Variants in FMO4 observed in about 807,000 individuals in gnomAD.
FMO4 encodes the protein flavin containing dimethylaniline monoxygenase 4.
A neutral mutation model predicts 43.3 loss-of-function variants in FMO4; 38 were observed. The observed-to-expected ratio is 0.88, with a 90% CI of 0.68 to 1.15. The LOEUF (loss-of-function observed/expected upper bound fraction) is 1.15, where lower values mean the gene tolerates loss of function less well. FMO4 is among the 50% of genes most tolerant of loss of function. The pLI is 0.00. For missense variants in FMO4, 631 were observed against 663.3 expected, an observed-to-expected ratio of 0.95 and a Z score of 0.54; for synonymous variants, 224 against 232.2, an observed-to-expected ratio of 0.96 and a Z score of 0.32.
intron 3 of FMO4, among the ~76,000 whole-genome samples, chr1:171,320,812 C>T (rs1278556740): frequency 3.3e-5 from 5 of 151,028 alleles, no homozygotes; most frequent in Non-Finnish European, 1.5e-5. Context: ...CCTATCTCTA[C>T]AAAAAATAAA....
chr1:171,338,188 G>A (rs1201887592), intron 9 of FMO4, among the ~76,000 whole-genome samples: 2 of 151,902 alleles, frequency 1.3e-5, no homozygotes, highest in East Asian at 3.9e-4. Flanking sequence ...AATATTGTCA[G>A]CTCCTACCTA....
intron 9 of FMO4, 108 bp downstream of exon 9, chr1:171,337,533 A>T (rs1663171733): frequency 1.3e-5 from 10 of 747,546 alleles, no homozygotes; most frequent in Non-Finnish European, 2.3e-5. Flanking sequence ...CAGGTTGGAA[A>T]TAACTCTGCA....
chr1:171,334,403 T>G lies in FMO4; in HGVS notation c.828-8T>G, dbSNP rs757041256. The stretch of plus-strand genomic sequence containing the variant: ...CTACAGTGAATAATTTTCTCCTGTG[T>G]GTCAAAGGAAAAAAGCAAAATTCAT... On this transcript the variant is annotated splice_polypyrimidine_tract_variant and splice_region_variant and intron_variant, in intron 7 of 9. Coordinates refer to ENST00000367749, the MANE Select transcript of FMO4 (RefSeq NM_002022.3). The G allele has an allele frequency of 4.0e-6, 6 of 1,516,754 alleles. No homozygotes were observed. The Admixed American group carries it at 1.2e-4, about 32-fold the overall frequency. 94.0% of individuals were successfully genotyped at this position (1,516,754 alleles called of 1,614,324 possible).
intron 3 of FMO4, among the ~76,000 whole-genome samples, chr1:171,321,149 C>G (rs1382189172): frequency 1.3e-5 from 2 of 152,068 alleles, no homozygotes; most frequent in Non-Finnish European, 2.9e-5. Context: ...TATTTGACCC[C>G]ACAGTTGGTT....
chr1:171,339,101 A>G (rs1045938536), intron 9 of FMO4, among the ~76,000 whole-genome samples: 2 of 152,212 alleles, frequency 1.3e-5, no homozygotes, highest in African/African-American at 2.4e-5. Flanking sequence ...AATATATAAT[A>G]TGCTCATATC....
In FMO4 at chr1:171,334,648, C is replaced by A; in HGVS notation, c.1065C>A (p.Val355=). ...AGAAGATATTTCTATACAAGCAAGTCTTTCCCTTAAACCTAGAGAGAGCGA... is the reference window on the plus strand; with the variant it reads ...AGAAGATATTTCTATACAAGCAAGTATTTCCCTTAAACCTAGAGAGAGCGA... The part of the protein sequence containing the change: ...CTKKIFLYKQ[V]FPLNLERATL... Residue 355 remains valine, a synonymous_variant, in exon 8 of 10, where the codon GTC becomes GTA. Coordinates refer to ENST00000367749, the MANE Select transcript of FMO4 (RefSeq NM_002022.3). The A allele has an allele frequency of 1.9e-6, 3 of 1,613,516 alleles. No individual in the cohort carries two copies. Among genetic ancestry groups the A allele is most frequent in the Non-Finnish European group, 2.5e-6 (3 of 1,179,468 alleles).
intron 5 of FMO4, among the ~76,000 whole-genome samples, chr1:171,331,264 A>G (rs1234262383): frequency 6.6e-6 from 1 of 152,232 alleles, no homozygotes; most frequent in African/African-American, 2.4e-5. Context: ...GGGAGAAGCC[A>G]CAGTTGGATA....
rs780461281 is a variant in FMO4, at chr1:171,324,238, A to G, written c.422A>G (p.Asp141Gly). ...TEGKQNRAVF[D>G]AVMVCTGHFL... ...GGCAAGCAAAATAGAGCTGTCTTTG[A>G]TGCTGTTATGGTTTGCACTGGACAT... The change falls in exon 5 of 10, where the codon GAT (aspartate) becomes GGT (glycine). Residue 141 changes from aspartate to glycine, a missense_variant. Physicochemically the swap from Asp to Gly is moderately conservative, Grantham distance 94. Transcript: ENST00000367749. 2 of 1,613,732 alleles carry G rather than the reference A, an allele frequency of 1.2e-6. No individual in the cohort carries two copies. Among genetic ancestry groups the G allele is most frequent in the East Asian group, 4.5e-5 (2 of 44,852 alleles).
In FMO4 at chr1:171,331,670, A is replaced by C; in HGVS notation, c.515A>C (p.His172Pro). 2 of 1,613,986 alleles carry C rather than the reference A, an allele frequency of 1.2e-6. No homozygotes were observed. Among genetic ancestry groups the C allele is most frequent in the Non-Finnish European group, 1.7e-6 (2 of 1,179,876 alleles). ...GIHKFKGQIL[H>P]SQEYKIPEGF... Reference sequence around the variant, plus strand: ...CATAAGTTTAAAGGTCAGATCCTGCATAGTCAAGAGTACAAGATCCCAGAA... The same window carrying C: ...CATAAGTTTAAAGGTCAGATCCTGCCTAGTCAAGAGTACAAGATCCCAGAA... Residue 172 changes from histidine (H) to proline (P), a missense_variant, in exon 6 of 10, where the codon CAT becomes CCT. Physicochemically the swap from His to Pro is moderately conservative, Grantham distance 77. Coordinates refer to ENST00000367749, the MANE Select transcript of FMO4 (RefSeq NM_002022.3).
At chr1:171,326,785 A>AT (rs1349845621) in intron 5 of FMO4, among the ~76,000 whole-genome samples, 4 of 152,236 alleles carry the variant, frequency 2.6e-5, no homozygotes, top group African/African-American at 9.6e-5. Flanking sequence ...GGAGAGTGAC[A>AT]TGTGACTGCT....
chr1:171,337,290 G>A, intron 8 of FMO4, 66 bp from the exon 9 acceptor site: 1 of 1,036,538 alleles, frequency 9.6e-7, no homozygotes, highest in Non-Finnish European at 1.5e-6. Flanking sequence ...GAAATGAGTG[G>A]GTGGAGAATT....
chr1:171,332,597 C>A, intron 6 of FMO4, 112 bp from the exon 7 acceptor site: 1 of 793,176 alleles, frequency 1.3e-6, no homozygotes, highest in South Asian at 1.7e-5. Flanking sequence ...ATTCACCAAT[C>A]CTCTGTTGTT....
At chr1:171,314,683 G>T (rs1662124969) in intron 1 of FMO4, among the ~76,000 whole-genome samples, 1 of 152,164 alleles carries the variant, frequency 6.6e-6, no homozygotes, top group Admixed American at 6.5e-5. Context: ...AGTGACTCCA[G>T]TGACCTCTGA....
intron 5 of FMO4, among the ~76,000 whole-genome samples, chr1:171,326,533 A>T (rs1662676653): frequency 6.6e-6 from 1 of 152,238 alleles, no homozygotes; most frequent in Non-Finnish European, 1.5e-5. Context: ...CTTTGTTACA[A>T]GCAGGTTTCT....
chr1:171,319,967 T>A lies in FMO4; in HGVS notation c.132+10T>A. The A allele has an allele frequency of 6.2e-7, 1 of 1,613,600 alleles. No individual in the cohort carries two copies. The highest frequency in any genetic ancestry group is 8.5e-7 in the Non-Finnish European group (1 of 1,179,598). On this transcript the variant is annotated intron_variant, in intron 3 of 9. Transcript: ENST00000367749. ...ATTATGGAAGTTTACTGTACGTGGT[T>A]CATCTCTATCAGTCATGATCTGGCC...
intron 5 of FMO4, among the ~76,000 whole-genome samples, chr1:171,325,570 TA>T (rs1662621799): frequency 6.6e-6 from 1 of 152,094 alleles, no homozygotes. Flanking sequence ...GAAAATTCAA[TA>T]CATAATTTTG....
At chr1:171,319,700 G>T in intron 2 of FMO4, 118 bp from the exon 3 acceptor site, 1 of 763,100 alleles carries the variant, frequency 1.3e-6, no homozygotes, top group Non-Finnish European at 2.1e-6. Flanking sequence ...ATGTGATTCT[G>T]CCCCCACTCA....
intron 5 of FMO4, among the ~76,000 whole-genome samples, chr1:171,330,587 A>G (rs1350922786): frequency 6.6e-6 from 1 of 152,176 alleles, no homozygotes; most frequent in African/African-American, 2.4e-5. Context: ...GAGCATGCCC[A>G]GGGGAACTCC....
chr1:171,331,716 C>G lies in FMO4; in HGVS notation c.561C>G (p.Val187=). ...CAGAAGGCTTTCAGGGCAAACGCGT[C>G]TTGGTGATTGGTCTTGGGAACACTG... ...KIPEGFQGKR[V]LVIGLGNTGG... is the part of the protein sequence containing the mutation. Residue 187 remains valine, a synonymous_variant, in exon 6 of 10, where the codon GTC becomes GTG. Transcript: ENST00000367749. 6 of 1,613,938 alleles carry G rather than the reference C, an allele frequency of 3.7e-6. No homozygotes were observed. The highest frequency in any genetic ancestry group is 5.1e-6 in the Non-Finnish European group (6 of 1,179,860).
Sources: allele counts gnomAD v4.1 joint callset (sites outside exome capture counted in the v4.1 genomes callset), GRCh38; gene constraint gnomAD v4.1.1; transcripts MANE v1.5; gene names NCBI Gene and HGNC (gene_info 2026-07-23, HGNC 2026-07-21).